Variants in DNAI4 observed in about 807,000 individuals in gnomAD.
DNAI4 encodes dynein axonemal intermediate chain 4, also known as WD repeat domain 78.
Under a neutral mutation model 105.8 loss-of-function variants are expected in DNAI4, and 85 were observed. That is an observed-to-expected ratio of 0.80 (90% CI 0.67 to 0.96). The LOEUF (loss-of-function observed/expected upper bound fraction) is 0.96. Among genes scored for constraint, DNAI4 ranks in the 40% least tolerant of loss-of-function variants. The probability of loss-of-function intolerance (pLI) is 0.00; values close to 1 mark genes in which losing one functional copy is unlikely to be tolerated. For synonymous variants in DNAI4, 352 were observed against 331.5 expected (o/e 1.06, Z -0.67); for missense variants, 1,014 against 1,005.6 (o/e 1.01, Z -0.11).
At chr1:66,905,955 G>A (rs989862190) in intron 1 of DNAI4, among the ~76,000 whole-genome samples, 6 of 114,434 alleles carry the variant, frequency 5.2e-5, no homozygotes, top group South Asian at 5.9e-4. Flanking sequence ...ACGGAGTCTC[G>A]CTCTGTCACC....
In DNAI4 at chr1:66,895,892, C is replaced by G. The variant is rs186497076; in HGVS notation, c.346-2479G>C. 1.8e-3 allele frequency among the ~76,000 whole-genome samples: 280 copies of G among 152,172 alleles called. 1 individual carries two copies. Among genetic ancestry groups the G allele is most frequent in the African/African-American group, 5.1e-3 (210 of 41,522 alleles). On this transcript the variant is annotated intron_variant, in intron 2 of 16. Transcript: ENST00000371026. The stretch of plus-strand genomic sequence containing the variant: ...CCAATCTTGATATCTTGGCACAGAC[C>G]AAGCTTCCTTATGATGTATGTATTA...
intron 11 of DNAI4, 90 bp from the exon 12 acceptor site, chr1:66,834,238 A>G (rs2100420231): frequency 2.1e-6 from 2 of 967,788 alleles, no homozygotes; most frequent in East Asian, 6.1e-5. Flanking sequence ...AGCTTTCTAG[A>G]AGATCATGAC....
chr1:66,832,350 GT>G (rs950403803), intron 13 of DNAI4, among the ~76,000 whole-genome samples: 2 of 152,142 alleles, frequency 1.3e-5, no homozygotes, highest in African/African-American at 4.8e-5. Context: ...TCAAGTTTTG[GT>G]TTGCATAATG....
intron 9 of DNAI4, among the ~76,000 whole-genome samples, chr1:66,838,763 C>T (rs1161018900): frequency 2.0e-5 from 3 of 152,198 alleles, no homozygotes; most frequent in Non-Finnish European, 4.4e-5. Flanking sequence ...TGACATATCC[C>T]TATTTATCTC....
At chr1:66,842,160 T>C (rs1646163595) in intron 8 of DNAI4, among the ~76,000 whole-genome samples, 1 of 152,238 alleles carries the variant, frequency 6.6e-6, no homozygotes, top group African/African-American at 2.4e-5. Context: ...TCTGGCTTGA[T>C]AACTTAGTGA....
intron 4 of DNAI4, among the ~76,000 whole-genome samples, chr1:66,879,384 TA>T (rs1474171551): frequency 6.6e-6 from 1 of 152,250 alleles, no homozygotes; most frequent in East Asian, 1.9e-4. Flanking sequence ...TATTGCTGAA[TA>T]ATATTCCATT....
intron 2 of DNAI4, among the ~76,000 whole-genome samples, chr1:66,895,561 T>C (rs1433636482): frequency 6.6e-6 from 1 of 152,218 alleles, no homozygotes; most frequent in Non-Finnish European, 1.5e-5. Context: ...GTTTTCTTTC[T>C]TCCTTTCCAA....
intron 4 of DNAI4, among the ~76,000 whole-genome samples, chr1:66,875,207 T>A (rs972586089): frequency 3.3e-5 from 5 of 152,086 alleles, no homozygotes; most frequent in Admixed American, 6.6e-5. Context: ...ATTATAACTA[T>A]CCCACAATAT....
At chr1:66,864,599 C>G (rs1371828387) in intron 6 of DNAI4, among the ~76,000 whole-genome samples, 1 of 152,146 alleles carries the variant, frequency 6.6e-6, no homozygotes, top group Non-Finnish European at 1.5e-5. Flanking sequence ...CGCCTGTAAT[C>G]CCAGCACTTT....
chr1:66,883,773 A>C (rs1258094331), intron 4 of DNAI4, among the ~76,000 whole-genome samples: 2 of 152,184 alleles, frequency 1.3e-5, no homozygotes, highest in African/African-American at 4.8e-5. Context: ...TGGTTTATGA[A>C]TACAATGTAG....
At chr1:66,821,300 T>C (rs1414156324) in intron 16 of DNAI4, among the ~76,000 whole-genome samples, 2 of 151,938 alleles carry the variant, frequency 1.3e-5, no homozygotes, top group Non-Finnish European at 2.9e-5. Context: ...AGTTTCACCA[T>C]ATTGGCCAGG....
At chr1:66,851,051 C>CA (rs1008096836) in intron 7 of DNAI4, among the ~76,000 whole-genome samples, 11 of 150,992 alleles carry the variant, frequency 7.3e-5, no homozygotes, top group Non-Finnish European at 1.5e-4. Flanking sequence ...TAAAGACTGA[C>CA]AAAAAAAATT....
rs139462147 is a variant in DNAI4, at chr1:66,875,592, G to A, written c.644-655C>T. ...TGAGAATTGAGTTTCACAGCTGGGAGAGTTTGGAATTGGTTATGTGGGTAA... is the reference window on the plus strand; with the variant it reads ...TGAGAATTGAGTTTCACAGCTGGGAAAGTTTGGAATTGGTTATGTGGGTAA... On this transcript the variant is annotated intron_variant, in intron 4 of 16. Transcript: ENST00000371026. 4.6e-5 allele frequency among the ~76,000 whole-genome samples: 7 copies of A among 152,228 alleles called. No individual in the cohort carries two copies. The East Asian group carries it at 1.4e-3, about 29-fold the overall frequency.
intron 15 of DNAI4, among the ~76,000 whole-genome samples, chr1:66,822,729 G>C (rs1004906223): frequency 6.6e-6 from 1 of 152,174 alleles, no homozygotes; most frequent in East Asian, 1.9e-4. Flanking sequence ...GTAAATTAAA[G>C]TACTTCACAA....
intron 1 of DNAI4, among the ~76,000 whole-genome samples, chr1:66,912,695 C>A (rs558050939): frequency 6.6e-6 from 1 of 152,124 alleles, no homozygotes; most frequent in Non-Finnish European, 1.5e-5. Context: ...GAGTCACGGG[C>A]GCGCATGCTC....
chr1:66,880,501 T>A (rs530304076), intron 4 of DNAI4, among the ~76,000 whole-genome samples: 1 of 152,276 alleles, frequency 6.6e-6, no homozygotes, highest in Non-Finnish European at 1.5e-5. Flanking sequence ...AGGTGACTCT[T>A]GTTTTAGCAA....
At chr1:66,881,586 C>T (rs557240383) in intron 4 of DNAI4, among the ~76,000 whole-genome samples, 2 of 152,310 alleles carry the variant, frequency 1.3e-5, no homozygotes, top group African/African-American at 2.4e-5. Context: ...ACTGTATTTA[C>T]CCAATGCCTG....
intron 7 of DNAI4, among the ~76,000 whole-genome samples, chr1:66,854,274 C>G (rs1646454521): frequency 6.6e-6 from 1 of 151,986 alleles, no homozygotes; most frequent in Admixed American, 6.6e-5. Flanking sequence ...ACCTGTAGTC[C>G]CAGCTACTTG....
At chr1:66,826,743 C>CTGGT in intron 15 of DNAI4, 77 bp downstream of exon 15, 1 of 1,279,138 alleles carries the variant, frequency 7.8e-7, no homozygotes, top group Non-Finnish European at 1.1e-6. Context: ...TACCCTCTAA[C>CTGGT]TGGTGTCAAA....
Sources: allele counts gnomAD v4.1 joint callset (sites outside exome capture counted in the v4.1 genomes callset), GRCh38; gene constraint gnomAD v4.1.1; transcripts MANE v1.5; gene names NCBI Gene and HGNC (gene_info 2026-07-23, HGNC 2026-07-21).